Variants in PTPRT observed in about 807,000 individuals in gnomAD.
PTPRT encodes the protein receptor-type tyrosine-protein phosphatase T.
Under a neutral mutation model 176.8 loss-of-function variants are expected in PTPRT, and 56 were observed. The ratio of observed to expected loss-of-function variants is 0.32; its 90% CI spans 0.26 to 0.40. The LOEUF (loss-of-function observed/expected upper bound fraction) is 0.40. Among genes scored for constraint, PTPRT ranks in the 10% least tolerant of loss-of-function variants. PTPRT has a pLI of 1.00. For synonymous variants in PTPRT, 783 were observed against 739.0 expected (o/e 1.06, Z -0.96); for missense variants, 1,540 against 1,908.2 (o/e 0.81, Z 3.60).
intron 1 of PTPRT, among the ~76,000 whole-genome samples, chr20:42,933,849 G>A (rs895341051): frequency 3.3e-5 from 5 of 152,168 alleles, no homozygotes; most frequent in Non-Finnish European, 4.4e-5. Context: ...AGATGTGACT[G>A]TCATCCTCCC....
chr20:42,199,758 CT>C (rs763307558), intron 15 of PTPRT, among the ~76,000 whole-genome samples: 27 of 152,120 alleles, frequency 1.8e-4, no homozygotes, highest in Non-Finnish European at 3.4e-4. Flanking sequence ...TTCTGTGGCT[CT>C]GAATGAGATT....
chr20:42,463,664 G>A (rs149625810), intron 8 of PTPRT, among the ~76,000 whole-genome samples: 1 of 152,082 alleles, frequency 6.6e-6, no homozygotes, highest in East Asian at 1.9e-4. Context: ...GTTAACAATG[G>A]TGAACTTTGG....
chr20:42,156,611 C>G (rs1013245414), intron 17 of PTPRT, among the ~76,000 whole-genome samples: 2 of 152,234 alleles, frequency 1.3e-5, no homozygotes, highest in African/African-American at 4.8e-5. Context: ...CATGAAACTA[C>G]TGATTGTTCC....
chr20:42,878,515 T>C (rs1389192135), intron 2 of PTPRT, among the ~76,000 whole-genome samples: 1 of 152,174 alleles, frequency 6.6e-6, no homozygotes, highest in Non-Finnish European at 1.5e-5. Flanking sequence ...CAATATATAT[T>C]TCTCTAGCCT....
chr20:42,652,187 CA>C (rs200542249), intron 7 of PTPRT, among the ~76,000 whole-genome samples: 24 of 151,354 alleles, frequency 1.6e-4, no homozygotes, highest in East Asian at 9.7e-4. Context: ...ATTCAAATGA[CA>C]AAAAAAATGG....
intron 1 of PTPRT, among the ~76,000 whole-genome samples, chr20:43,175,086 C>T (rs1459984372): frequency 6.6e-6 from 1 of 152,248 alleles, no homozygotes; most frequent in African/African-American, 2.4e-5. Context: ...TCTGACGCCT[C>T]AGGCAAACCT....
chr20:42,679,544 GAAAA>G (rs2146075498), intron 6 of PTPRT, among the ~76,000 whole-genome samples: 2 of 152,064 alleles, frequency 1.3e-5, no homozygotes, highest in African/African-American at 4.8e-5. Flanking sequence ...AGAAATGGAA[GAAAA>G]TGGAGAAAAA....
intron 2 of PTPRT, among the ~76,000 whole-genome samples, chr20:42,795,405 T>C (rs1394839601): frequency 2.0e-5 from 3 of 152,220 alleles, no homozygotes; most frequent in Non-Finnish European, 4.4e-5. Context: ...GCAAAATGCT[T>C]CTCCATAGCA....
At chr20:42,363,406 G>C (rs1454830143) in intron 9 of PTPRT, among the ~76,000 whole-genome samples, 1 of 142,642 alleles carries the variant, frequency 7.0e-6, no homozygotes, top group Non-Finnish European at 1.5e-5. Context: ...CGCCTCCCGG[G>C]TACAAGCAAT....
chr20:43,047,880 CA>C (rs1986898225), intron 1 of PTPRT, among the ~76,000 whole-genome samples: 1 of 152,102 alleles, frequency 6.6e-6, no homozygotes, highest in Non-Finnish European at 1.5e-5. Flanking sequence ...ACAAATTACC[CA>C]AAGTCACACC....
intron 9 of PTPRT, among the ~76,000 whole-genome samples, chr20:42,376,405 C>A (rs1270790815): frequency 1.3e-5 from 2 of 152,324 alleles, no homozygotes; most frequent in Admixed American, 1.3e-4. Context: ...GCTGGTTGCA[C>A]TCTATGACAG....
At chr20:42,796,593 C>A (rs1053479189) in intron 2 of PTPRT, among the ~76,000 whole-genome samples, 13 of 152,198 alleles carry the variant, frequency 8.5e-5, no homozygotes, top group African/African-American at 3.1e-4. Flanking sequence ...AGCTGTACAG[C>A]CACAGAAGTG....
At chr20:42,964,082 G>A (rs77554738) in intron 1 of PTPRT, among the ~76,000 whole-genome samples, 60 of 152,196 alleles carry the variant, frequency 3.9e-4, no homozygotes, top group African/African-American at 1.4e-3. Context: ...TGCCTGTAGG[G>A]AGTTAGGGAG....
chr20:42,392,705 G>T lies in PTPRT; in HGVS notation c.1561-40420C>A, dbSNP rs527305436. ...TGCCCGGGCCCTGAAAACTCAGAGG[G>T]AGTATCATCCATATGCAAGAAACTT... On this transcript the variant is annotated intron_variant, in intron 9 of 30. Coordinates refer to ENST00000373187, the MANE Select transcript of PTPRT (RefSeq NM_007050.6). Among the ~76,000 whole-genome samples the T allele has an allele frequency of 6.8e-4, 104 of 152,284 alleles. 1 individual carries two copies. Among genetic ancestry groups the T allele is most frequent in the Non-Finnish European group, 2.8e-4 (19 of 68,034 alleles).
intron 1 of PTPRT, among the ~76,000 whole-genome samples, chr20:42,895,619 A>G (rs1040694793): frequency 5.3e-5 from 8 of 152,196 alleles, no homozygotes; most frequent in African/African-American, 1.9e-4. Context: ...ACTAGTACTC[A>G]ACAATGTTAT....
intron 1 of PTPRT, among the ~76,000 whole-genome samples, chr20:43,083,940 G>C (rs191149912): frequency 3.7e-4 from 56 of 152,282 alleles, no homozygotes; most frequent in Admixed American, 2.4e-3. Flanking sequence ...TGTTTCTGAG[G>C]TTCATACATG....
At chr20:43,171,902 C>G (rs2015010529) in intron 1 of PTPRT, among the ~76,000 whole-genome samples, 1 of 152,196 alleles carries the variant, frequency 6.6e-6, no homozygotes. Flanking sequence ...CCTGCCATAC[C>G]ATCTCCTACC....
At chr20:42,340,212 T>C (rs751700936) in intron 11 of PTPRT, among the ~76,000 whole-genome samples, 43 of 152,204 alleles carry the variant, frequency 2.8e-4, no homozygotes, top group Non-Finnish European at 5.3e-4. Flanking sequence ...AATAGCCACA[T>C]GTAGCTATTA....
intron 3 of PTPRT, among the ~76,000 whole-genome samples, chr20:42,787,510 G>A (rs2077308992): frequency 6.6e-6 from 1 of 152,140 alleles, no homozygotes; most frequent in South Asian, 2.1e-4. Context: ...ACATCACACA[G>A]CTTTTTCAAA....
Sources: allele counts gnomAD v4.1 joint callset (sites outside exome capture counted in the v4.1 genomes callset), GRCh38; gene constraint gnomAD v4.1.1; transcripts MANE v1.5; gene names NCBI Gene and HGNC (gene_info 2026-07-23, HGNC 2026-07-21).